The following NYAP2 variants were observed in gnomAD, a reference collection of about 807,000 sequenced individuals.
NYAP2 encodes neuronal tyrosine-phosphorylated phosphoinositide-3-kinase adaptor 2, also known as neuronal tyrosine-phosphorylated phosphoinositide-3-kinase adapter 2.
NYAP2 carries 23 observed loss-of-function variants against 50.4 expected under a neutral mutation model. The observed-to-expected ratio is 0.46, with a 90% CI of 0.33 to 0.65. The LOEUF is 0.65. Ranked by LOEUF, NYAP2 falls within the 30% of genes least tolerant of loss-of-function variation. NYAP2 has a pLI of 0.02. For missense variants in NYAP2, 885 were observed against 861.0 expected (o/e 1.03, Z -0.35); for synonymous variants, 394 against 365.2 (o/e 1.08, Z -0.90).
intron 4 of NYAP2, among the ~76,000 whole-genome samples, chr2:225,561,042 C>A (rs896498450): frequency 2.0e-5 from 3 of 149,968 alleles, no homozygotes; most frequent in Non-Finnish European, 3.0e-5. Context: ...TGCAGCCATG[C>A]CTAAAAACAA....
At chr2:225,599,180 G>A (rs1178664313) in intron 5 of NYAP2, among the ~76,000 whole-genome samples, 2 of 152,162 alleles carry the variant, frequency 1.3e-5, no homozygotes, top group African/African-American at 4.8e-5. Flanking sequence ...TATATGCCCA[G>A]GGGAATTGTG....
At chr2:225,592,673 A>T (rs1341972453) in intron 5 of NYAP2, among the ~76,000 whole-genome samples, 1 of 152,140 alleles carries the variant, frequency 6.6e-6, no homozygotes, top group South Asian at 2.1e-4. Context: ...TGTTTTTCTC[A>T]TTTAGTTTAT....
chr2:225,664,170 T>A, the NYAP2 span, among the ~76,000 whole-genome samples: 1 of 152,250 alleles, frequency 6.6e-6, no homozygotes, highest in Non-Finnish European at 1.5e-5. Context: ...GAGTTTCAAA[T>A]TTGCTGATGT....
intron 4 of NYAP2, among the ~76,000 whole-genome samples, chr2:225,526,242 G>T (rs1009695324): frequency 6.6e-6 from 1 of 152,178 alleles, no homozygotes; most frequent in Admixed American, 6.5e-5. Context: ...GTGATCACTT[G>T]TTAAGCAGCA....
At chr2:225,694,899 C>G in the NYAP2 span, among the ~76,000 whole-genome samples, 3 of 151,682 alleles carry the variant, frequency 2.0e-5, no homozygotes, top group Non-Finnish European at 4.4e-5. Context: ...TTCTTACTCA[C>G]TACACATGTC....
At chr2:225,513,584 G>T in exon 4 of NYAP2, 1 of 1,598,966 alleles carries the variant, frequency 6.3e-7, no homozygotes. Context: ...AACCCAAGAG[G>T]GACCCCAGCA....
chr2:225,458,814 G>A (rs1375935506), intron 3 of NYAP2, among the ~76,000 whole-genome samples: 2 of 152,232 alleles, frequency 1.3e-5, no homozygotes, highest in African/African-American at 4.8e-5. Flanking sequence ...CTTTAGTCAA[G>A]AAGCTGTGTT....
At chr2:225,490,890 C>T (rs1690392642) in intron 3 of NYAP2, among the ~76,000 whole-genome samples, 1 of 152,154 alleles carries the variant, frequency 6.6e-6, no homozygotes, top group South Asian at 2.1e-4. Context: ...AAAGATGTTG[C>T]TTCTCAGATT....
exon 6 of NYAP2, chr2:225,627,015 G>A (rs1242151597): frequency 1.9e-6 from 3 of 1,593,612 alleles, no homozygotes; most frequent in Non-Finnish European, 2.6e-6. Context: ...TTCCTCCAGA[G>A]AGCCTGTCAA....
rs144258610 is a variant in NYAP2, at chr2:225,627,841, T to C, written c.1828+715T>C. On this transcript the variant is annotated intron_variant, in intron 6 of 6. Transcript: ENST00000636099. ...TATGTGTTGGACTCACAGAGAGCTG[T>C]CAATTGAAATAAACAACAAATAATC... is the stretch of plus-strand genomic sequence containing the variant. 2.0e-3 allele frequency among the ~76,000 whole-genome samples: 305 copies of C among 152,354 alleles called. 1 individual carries two copies. The highest frequency in any genetic ancestry group is 3.1e-3 in the Admixed American group (48 of 15,296).
intron 3 of NYAP2, among the ~76,000 whole-genome samples, chr2:225,411,906 A>G (rs1053770082): frequency 6.6e-6 from 1 of 151,776 alleles, no homozygotes; most frequent in African/African-American, 2.4e-5. Context: ...CAGAATGAAA[A>G]TAAAGGATTT....
chr2:225,645,074 A>T (rs149675447), intron 6 of NYAP2, among the ~76,000 whole-genome samples: 1 of 152,152 alleles, frequency 6.6e-6, no homozygotes, highest in South Asian at 2.1e-4. Flanking sequence ...AGCTTGGCCA[A>T]CATGGTGAAA....
chr2:225,492,712 G>A (rs1047439063), intron 3 of NYAP2, among the ~76,000 whole-genome samples: 8 of 152,192 alleles, frequency 5.3e-5, no homozygotes, highest in African/African-American at 1.4e-4. Flanking sequence ...AGGCAAGATA[G>A]GGGCAGAAAT....
the NYAP2 span, among the ~76,000 whole-genome samples, chr2:225,668,812 G>A: frequency 6.6e-6 from 1 of 152,112 alleles, no homozygotes; most frequent in African/African-American, 2.4e-5. Context: ...ATCACCACTA[G>A]AGGGAGGGAG....
chr2:225,624,354 G>A (rs1240211984), intron 5 of NYAP2, among the ~76,000 whole-genome samples: 1 of 152,184 alleles, frequency 6.6e-6, no homozygotes, highest in African/African-American at 2.4e-5. Context: ...CACTAGAAAC[G>A]GGGCATTCTA....
chr2:225,442,025 C>A (rs1299474292), intron 3 of NYAP2, among the ~76,000 whole-genome samples: 2 of 152,188 alleles, frequency 1.3e-5, no homozygotes, highest in Non-Finnish European at 2.9e-5. Context: ...ACACTGCCAG[C>A]TCTTCAGTGC....
At chr2:225,423,784 A>G (rs977885969) in intron 3 of NYAP2, among the ~76,000 whole-genome samples, 2 of 152,196 alleles carry the variant, frequency 1.3e-5, no homozygotes, top group African/African-American at 4.8e-5. Context: ...AACTCTTGTT[A>G]GTTGCTGATA....
chr2:225,602,687 A>G (rs958496915), intron 5 of NYAP2, among the ~76,000 whole-genome samples: 1 of 152,178 alleles, frequency 6.6e-6, no homozygotes, highest in Non-Finnish European at 1.5e-5. Flanking sequence ...ACATATGGAT[A>G]TTCAGTTTTC....
intron 4 of NYAP2, among the ~76,000 whole-genome samples, chr2:225,554,836 A>G (rs1321533730): frequency 6.6e-6 from 1 of 152,170 alleles, no homozygotes. Context: ...ATGAGTAACA[A>G]TGTGAGATGA....
Sources: gnomAD v4.1 joint callset for allele counts (sites outside exome capture counted in the v4.1 genomes callset) on GRCh38, gnomAD v4.1.1 for gene constraint, MANE v1.5 for transcripts, NCBI Gene and HGNC (gene_info 2026-07-23, HGNC 2026-07-21) for gene names.